The following ERC2 variants were observed in gnomAD, a reference collection of about 807,000 sequenced individuals.
ERC2 encodes the protein ERC protein 2.
Under a neutral mutation model 114.8 loss-of-function variants are expected in ERC2, and 42 were observed. The ratio of observed to expected loss-of-function variants is 0.37; its 90% CI spans 0.29 to 0.47. The LOEUF is 0.47. ERC2 is among the 20% of genes least tolerant of loss of function. ERC2 has a pLI of 0.99. For missense variants in ERC2, 939 were observed against 1,150.7 expected (o/e 0.82, Z 2.66); for synonymous variants, 454 against 425.5 (o/e 1.07, Z -0.82).
At chr3:55,862,694 T>C (rs1249297587) in intron 14 of ERC2, among the ~76,000 whole-genome samples, 2 of 152,232 alleles carry the variant, frequency 1.3e-5, no homozygotes, top group African/African-American at 4.8e-5. Flanking sequence ...GCAGATTTAC[T>C]TGGACCTATT....
chr3:56,004,196 T>A (rs542582270), intron 10 of ERC2, among the ~76,000 whole-genome samples: 47 of 152,152 alleles, frequency 3.1e-4, no homozygotes, highest in African/African-American at 1.0e-3. Flanking sequence ...ATAGGGTAAA[T>A]TTACTCCCCC....
chr3:56,420,733 A>G (rs1205465820), intron 2 of ERC2, among the ~76,000 whole-genome samples: 1 of 151,410 alleles, frequency 6.6e-6, no homozygotes, highest in Non-Finnish European at 1.5e-5. Flanking sequence ...AAAATACAAA[A>G]AAAAAAAAAA....
chr3:55,706,243 T>A (rs577625989), intron 15 of ERC2, among the ~76,000 whole-genome samples: 3 of 152,176 alleles, frequency 2.0e-5, no homozygotes, highest in African/African-American at 4.8e-5. Flanking sequence ...AAACTGCCCA[T>A]TGATGCACCC....
chr3:55,959,119 A>G (rs1156942514), intron 12 of ERC2, among the ~76,000 whole-genome samples: 1 of 152,124 alleles, frequency 6.6e-6, no homozygotes, highest in East Asian at 1.9e-4. Flanking sequence ...TAGAGCACTT[A>G]TCTACTCCCC....
chr3:56,071,691 C>A (rs1398989415), intron 7 of ERC2, among the ~76,000 whole-genome samples: 1 of 152,136 alleles, frequency 6.6e-6, no homozygotes, highest in East Asian at 1.9e-4. Context: ...GCTTTGGTTC[C>A]TTTGATAATA....
At chr3:55,669,970 T>C (rs2061496466) in intron 17 of ERC2, among the ~76,000 whole-genome samples, 1 of 152,194 alleles carries the variant, frequency 6.6e-6, no homozygotes, top group African/African-American at 2.4e-5. Context: ...AGGTGATCAA[T>C]GTAGAGTAGG....
intron 17 of ERC2, among the ~76,000 whole-genome samples, chr3:55,613,714 C>T (rs1029061781): frequency 1.3e-5 from 2 of 152,060 alleles, no homozygotes; most frequent in African/African-American, 4.8e-5. Flanking sequence ...CGTGGTGGCT[C>T]ATGCCTATAA....
intron 6 of ERC2, 61 bp from the exon 7 acceptor site, chr3:56,081,045 A>T (rs762336233): frequency 4.5e-6 from 7 of 1,569,622 alleles, no homozygotes; most frequent in Admixed American, 1.8e-5. Context: ...ATAACCATCA[A>T]TTGTGCCCTT....
At chr3:55,513,399 C>G (rs7634464) in intron 17 of ERC2, among the ~76,000 whole-genome samples, 36 of 152,012 alleles carry the variant, frequency 2.4e-4, no homozygotes, top group Admixed American at 6.5e-4. Context: ...TTTTCTCCCC[C>G]TCTCACAAGC....
intron 14 of ERC2, among the ~76,000 whole-genome samples, chr3:55,875,421 C>T (rs1166347306): frequency 6.6e-6 from 1 of 152,208 alleles, no homozygotes; most frequent in Non-Finnish European, 1.5e-5. Context: ...GAGTTGGCCT[C>T]AGCTTCCTGC....
intron 2 of ERC2, among the ~76,000 whole-genome samples, chr3:56,374,490 A>T (rs937766948): frequency 6.6e-6 from 1 of 152,210 alleles, no homozygotes; most frequent in African/African-American, 2.4e-5. Flanking sequence ...ACTCTATGCC[A>T]GGCTATGTGT....
chr3:55,532,300 G>T lies in ERC2; in HGVS notation c.*40-21024C>A, dbSNP rs370641804. 5.9e-5 allele frequency among the ~76,000 whole-genome samples: 9 copies of T among 152,266 alleles called. No individual in the cohort carries two copies. In the East Asian group the frequency reaches 1.4e-3, roughly 23 times the overall value. On this transcript the variant is annotated intron_variant, in intron 17 of 17. Coordinates refer to ENST00000288221, the MANE Select transcript of ERC2 (RefSeq NM_015576.3). Reference sequence around the variant, plus strand: ...TCACTGCCTTGATCAGAGCTCCCCAGCTATATAGGTCTCTTCCTCTGAATC... The same window carrying T: ...TCACTGCCTTGATCAGAGCTCCCCATCTATATAGGTCTCTTCCTCTGAATC...
intron 3 of ERC2, among the ~76,000 whole-genome samples, chr3:56,240,536 C>G (rs549643525): frequency 6.6e-6 from 1 of 152,118 alleles, no homozygotes; most frequent in Non-Finnish European, 1.5e-5. Context: ...TAAGGCAGTG[C>G]TAAATCATCT....
At chr3:56,446,625 C>CTTTTTTTTT (rs1318263302) in intron 1 of ERC2, among the ~76,000 whole-genome samples, 2 of 112,360 alleles carry the variant, frequency 1.8e-5, no homozygotes, top group African/African-American at 3.5e-5. Flanking sequence ...TTTTTTTTTT[C>CTTTTTTTTT]TTTCTTTTTT....
In ERC2 at chr3:55,547,367, G is replaced by A. The variant is rs142286384; in HGVS notation, c.*40-36091C>T. Among the ~76,000 whole-genome samples the A allele has an allele frequency of 3.1e-3, 472 of 152,370 alleles. 3 individuals carry two copies. The highest frequency in any genetic ancestry group is 0.01 in the Middle Eastern group (3 of 294). ...TTGCAGCCCAGCAAATGTTCCTGGA[G>A]CCTTGTTTTTTGTTCTGTTGCTGGG... On this transcript the variant is annotated intron_variant, in intron 17 of 17. Transcript: ENST00000288221.
At chr3:56,412,274 C>T (rs779448639) in intron 2 of ERC2, among the ~76,000 whole-genome samples, 4 of 152,214 alleles carry the variant, frequency 2.6e-5, no homozygotes, top group Non-Finnish European at 5.9e-5. Context: ...AGGAACCAAC[C>T]ATGCCAACAC....
intron 4 of ERC2, among the ~76,000 whole-genome samples, chr3:56,162,995 G>A (rs919183970): frequency 1.3e-5 from 2 of 151,900 alleles, no homozygotes; most frequent in African/African-American, 4.8e-5. Flanking sequence ...TTTTGAGATA[G>A]GCACTTAGCA....
intron 15 of ERC2, among the ~76,000 whole-genome samples, chr3:55,699,818 G>C (rs974025900): frequency 6.6e-6 from 1 of 152,146 alleles, no homozygotes; most frequent in African/African-American, 2.4e-5. Flanking sequence ...AGCAATCACA[G>C]AGATCCAAGG....
chr3:55,701,184 A>G (rs1359696557), intron 15 of ERC2, among the ~76,000 whole-genome samples: 9 of 152,144 alleles, frequency 5.9e-5, no homozygotes, highest in African/African-American at 1.9e-4. Context: ...TCTTAATAGT[A>G]TTTTTCACAT....
Sources: gnomAD v4.1 joint callset for allele counts (sites outside exome capture counted in the v4.1 genomes callset) on GRCh38, gnomAD v4.1.1 for gene constraint, MANE v1.5 for transcripts, NCBI Gene and HGNC (gene_info 2026-07-23, HGNC 2026-07-21) for gene names.